Variants in VPS13C observed in about 807,000 individuals in gnomAD.
VPS13C encodes intermembrane lipid transfer protein VPS13C.
VPS13C carries 358 observed loss-of-function variants against 456.8 expected under a neutral mutation model. The observed-to-expected ratio is 0.78, with a 90% confidence interval of 0.72 to 0.86. VPS13C has a LOEUF of 0.86. VPS13C is among the 40% of genes least tolerant of loss of function. VPS13C has a pLI of 0.00. For synonymous variants in VPS13C, 1,578 were observed against 1,486.7 expected (o/e 1.06, Z -1.41); for missense variants, 4,818 against 4,385.4 (o/e 1.10, Z -2.79).
intron 10 of VPS13C, among the ~76,000 whole-genome samples, chr15:62,013,578 T>A (rs962656727): frequency 1.8e-4 from 28 of 152,014 alleles, no homozygotes; most frequent in African/African-American, 6.5e-4. Flanking sequence ...CTCTATAGTT[T>A]AAAATAAAAT....
intron 82 of VPS13C, among the ~76,000 whole-genome samples, chr15:61,863,168 T>A (rs1894316441): frequency 6.6e-6 from 1 of 152,140 alleles, no homozygotes; most frequent in African/African-American, 2.4e-5. Flanking sequence ...TAAAGCCTAG[T>A]CTACATTCTC....
chr15:62,002,433 G>A (rs1283815955), intron 15 of VPS13C, among the ~76,000 whole-genome samples: 1 of 152,116 alleles, frequency 6.6e-6, no homozygotes. Flanking sequence ...TTTGTTAGAT[G>A]AGTAGGTTGC....
chr15:61,885,486 C>A (rs937294984), intron 67 of VPS13C, among the ~76,000 whole-genome samples: 29 of 152,102 alleles, frequency 1.9e-4, no homozygotes, highest in Non-Finnish European at 4.0e-4. Context: ...GTTACTGCTG[C>A]TAACCCATCA....
chr15:62,012,977 T>C, intron 11 of VPS13C, 62 bp downstream of exon 11: 1 of 1,286,748 alleles, frequency 7.8e-7, no homozygotes, highest in South Asian at 1.3e-5. Context: ...AAGGCCCTCT[T>C]ATATTAAACA....
At chr15:61,942,854 G>A (rs2044474569) in intron 45 of VPS13C, among the ~76,000 whole-genome samples, 1 of 151,936 alleles carries the variant, frequency 6.6e-6, no homozygotes, top group African/African-American at 2.4e-5. Flanking sequence ...ATGAGATTCT[G>A]CACATGGGAA....
chr15:61,981,004 C>A (rs969518887), intron 22 of VPS13C, among the ~76,000 whole-genome samples: 4 of 152,196 alleles, frequency 2.6e-5, no homozygotes, highest in African/African-American at 9.6e-5. Flanking sequence ...CATATATGTA[C>A]AATTTCCTAT....
rs1397122996 is a variant in VPS13C at position 62,006,971 on chromosome 15, AG to A, written c.1290+336del. On this transcript the variant is annotated intron_variant, in intron 15 of 84. Transcript: ENST00000644861. The stretch of plus-strand genomic sequence containing the variant: ...TGAAAAGCCACTACCGTATAAATAC[AG>A]GATGTTTACTAACAAAACAAGATAT... Among the ~76,000 whole-genome samples the A allele has an allele frequency of 1.2e-4, 19 of 152,338 alleles. No homozygotes were observed. The South Asian group carries it at 3.9e-3, about 32-fold the overall frequency.
chr15:62,000,374 T>A lies in VPS13C; in HGVS notation c.1353+190A>T, dbSNP rs563336524. ...AGCAAGACTCCATCTCAAAAAAAAA[T>A]AATAATAAAAATAAGGTTTTTTTTC... On this transcript the variant is annotated intron_variant, in intron 16 of 84. Coordinates refer to ENST00000644861, the MANE Select transcript of VPS13C (RefSeq NM_020821.3). 4.1e-4 allele frequency among the ~76,000 whole-genome samples: 62 copies of A among 151,900 alleles called. No homozygotes were observed. The South Asian group carries it at 8.1e-3, about 20-fold the overall frequency.
chr15:61,937,983 T>C (rs1023319657), intron 47 of VPS13C, among the ~76,000 whole-genome samples: 4 of 152,164 alleles, frequency 2.6e-5, no homozygotes, highest in South Asian at 4.1e-4. Flanking sequence ...CACGCATGCA[T>C]AGCAAATCTC....
At chr15:61,951,779 C>T (rs1413159204) in intron 39 of VPS13C, 45 bp downstream of exon 39, 5 of 1,550,356 alleles carry the variant, frequency 3.2e-6, no homozygotes, top group Non-Finnish European at 4.4e-6. Flanking sequence ...AGGTAGGGAT[C>T]ATCTGCCTAA....
rs553547303 is a variant in VPS13C, at chr15:61,986,776, G to A, written c.1579-1777C>T. Reference sequence around the variant, plus strand: ...TGGAAATTACCTTTAAAGTGATACCGTAAGACTAACAGCTGAATACACAAA... The same window carrying A: ...TGGAAATTACCTTTAAAGTGATACCATAAGACTAACAGCTGAATACACAAA... On this transcript the variant is annotated intron_variant, in intron 18 of 84. Coordinates refer to ENST00000644861, the MANE Select transcript of VPS13C (RefSeq NM_020821.3). 5.9e-5 allele frequency among the ~76,000 whole-genome samples: 9 copies of A among 152,098 alleles called. No individual in the cohort carries two copies. In the East Asian group the frequency reaches 7.7e-4, roughly 13 times the overall value.
At chr15:62,018,824 C>A (rs1412449402) in intron 9 of VPS13C, among the ~76,000 whole-genome samples, 7 of 152,132 alleles carry the variant, frequency 4.6e-5, no homozygotes, top group Non-Finnish European at 1.0e-4. Context: ...GGAGGATTCC[C>A]TCTTTTTCTA....
At chr15:62,036,656 C>T (rs1178164912) in intron 3 of VPS13C, among the ~76,000 whole-genome samples, 1 of 151,920 alleles carries the variant, frequency 6.6e-6, no homozygotes, top group African/African-American at 2.4e-5. Context: ...TCTTGGTGAG[C>T]ATAAGACAGA....
chr15:62,033,136 C>T (rs940079471), intron 5 of VPS13C, among the ~76,000 whole-genome samples: 3 of 151,470 alleles, frequency 2.0e-5, no homozygotes, highest in Admixed American at 1.3e-4. Flanking sequence ...TTACCATTTG[C>T]CCAAAATAAA....
chr15:61,920,136 C>T lies in VPS13C; in HGVS notation c.7408G>A (p.Val2470Ile). 6.2e-7 allele frequency: 1 copy of T among 1,613,428 alleles called. No homozygotes were observed. Among genetic ancestry groups the T allele is most frequent in the Non-Finnish European group, 8.5e-7 (1 of 1,179,564 alleles). The change falls in exon 57 of 85, where the codon GTA (valine) becomes ATA (isoleucine). Residue 2470 changes from valine (V) to isoleucine (I), a missense_variant. By Grantham distance (29) the Val-to-Ile change is conservative. Coordinates refer to ENST00000644861, the MANE Select transcript of VPS13C (RefSeq NM_020821.3). ...QNLELEYASM[V>I]PSSQGNLSIL... ...GATAGGTTCCCTTGACTTGAAGGTA[C>T]CATGCTGGCATACTCCAGTTCCAAA...
intron 44 of VPS13C, 75 bp from the exon 45 acceptor site, chr15:61,945,957 C>A: frequency 8.0e-7 from 1 of 1,246,556 alleles, no homozygotes; most frequent in Admixed American, 2.8e-5. Context: ...TAAATAAGTT[C>A]TCGTATTACA....
Position 61,942,445 on chromosome 15 carries a change from C to T in VPS13C, c.5149-378G>A, listed in dbSNP as rs555761507. ...TAAATGAAAGGGAGAAGGGCAGTACCGTACTTCTCCAAAATTGGGTTCAAT... is the reference window on the plus strand; with the variant it reads ...TAAATGAAAGGGAGAAGGGCAGTACTGTACTTCTCCAAAATTGGGTTCAAT... On this transcript the variant is annotated intron_variant, in intron 45 of 84. Coordinates refer to ENST00000644861, the MANE Select transcript of VPS13C (RefSeq NM_020821.3). Among the ~76,000 whole-genome samples, 146 of 151,518 alleles carry T rather than the reference C, an allele frequency of 9.6e-4. 1 individual carries two copies. The highest frequency in any genetic ancestry group is 3.5e-3 in the African/African-American group (143 of 41,374).
At position 62,013,914 on chromosome 15, in the gene VPS13C, T is replaced by C. The variant is rs117696749; in HGVS notation, c.744+19A>G. 0.016 allele frequency: 25,207 copies of C among 1,581,572 alleles called. 238 individuals carry two copies. Among genetic ancestry groups the C allele is most frequent in the Non-Finnish European group, 0.019 (22,404 of 1,158,884 alleles). ...GTGCACCTAGGAAACTAACAAAAATTTTTATTCCAACATAATACCTTGTAT... is the reference window on the plus strand; with the variant it reads ...GTGCACCTAGGAAACTAACAAAAATCTTTATTCCAACATAATACCTTGTAT... On this transcript the variant is annotated intron_variant, in intron 10 of 84. Transcript: ENST00000644861.
intron 81 of VPS13C, chr15:61,865,804 A>G (rs896736146): frequency 9.2e-5 from 74 of 803,802 alleles, no homozygotes; most frequent in African/African-American, 2.3e-4. Flanking sequence ...GTGTGTGTGT[A>G]TATATATATG....
Sources: allele counts gnomAD v4.1 joint callset (sites outside exome capture counted in the v4.1 genomes callset), GRCh38; gene constraint gnomAD v4.1.1; transcripts MANE v1.5; gene names NCBI Gene and HGNC (gene_info 2026-07-23, HGNC 2026-07-21).